The following RAB3GAP1 variants were observed in gnomAD, a reference collection of about 807,000 sequenced individuals.
RAB3GAP1 encodes the protein rab3 GTPase-activating protein catalytic subunit.
Under a neutral mutation model 130.7 loss-of-function variants are expected in RAB3GAP1, and 86 were observed. That is an observed-to-expected ratio of 0.66 (90% CI 0.55 to 0.79). The LOEUF (loss-of-function observed/expected upper bound fraction) is 0.79, where lower values mean the gene tolerates loss of function less well. Ranked by LOEUF, RAB3GAP1 falls within the 30% of genes least tolerant of loss-of-function variation. The pLI, the probability that RAB3GAP1 is intolerant of heterozygous loss-of-function variation, is 0.00. For missense variants in RAB3GAP1, 1,029 were observed against 1,169.4 expected (o/e 0.88, Z 1.75); for synonymous variants, 367 against 401.7 (o/e 0.91, Z 1.03).
chr2:135,124,180 TAGG>T lies in RAB3GAP1; in HGVS notation c.770_772del (p.Gly257del), dbSNP rs768599901. ...TTTTGTTTAGACATAGATGCCCTTG[TAGG>T]AGGAGAAGTTGGAGGCTTGGAGTTT... On this transcript the variant is annotated inframe_deletion, in exon 9 of 24. Coordinates refer to ENST00000264158, the MANE Select transcript of RAB3GAP1 (RefSeq NM_012233.3). The T allele has an allele frequency of 6.8e-6, 11 of 1,613,910 alleles. No homozygotes were observed. The highest frequency in any genetic ancestry group is 9.3e-6 in the Non-Finnish European group (11 of 1,179,904).
chr2:135,106,725 C>T (rs1335590046), intron 5 of RAB3GAP1, among the ~76,000 whole-genome samples: 1 of 142,024 alleles, frequency 7.0e-6, no homozygotes, highest in Admixed American at 7.4e-5. Context: ...TCCCCCTCTC[C>T]GAGAAACACC....
Position 135,147,172 on chromosome 2 carries a change from C to T in RAB3GAP1, c.1924-3197C>T, listed in dbSNP as rs763381608. ...ACGAGCCTGGCCACCATGACGAAAC[C>T]CTGTCTGTACTAAAAATACAAAAAT... On this transcript the variant is annotated intron_variant, in intron 17 of 23. Transcript: ENST00000264158. Among the ~76,000 whole-genome samples the T allele has an allele frequency of 1.3e-5, 2 of 151,828 alleles. 1 individual carries two copies. The highest frequency in any genetic ancestry group is 4.2e-4 in the South Asian group (2 of 4,812).
intron 3 of RAB3GAP1, among the ~76,000 whole-genome samples, chr2:135,084,812 G>T (rs1558768152): frequency 6.6e-6 from 1 of 152,104 alleles, no homozygotes. Context: ...TCACAATCTA[G>T]GGGAGAAATA....
chr2:135,115,213 C>T lies in RAB3GAP1; in HGVS notation c.483-3C>T. On this transcript the variant is annotated splice_region_variant and splice_polypyrimidine_tract_variant and intron_variant, in intron 6 of 23. Transcript: ENST00000264158. ...TCCATTCCTATTTAATCATGTCTTGCAGTCAGGTGCCACTCTTTGTGCAAA... is the reference window on the plus strand; with the variant it reads ...TCCATTCCTATTTAATCATGTCTTGTAGTCAGGTGCCACTCTTTGTGCAAA... The T allele has an allele frequency of 6.2e-7, 1 of 1,604,844 alleles. No individual in the cohort carries two copies. Among genetic ancestry groups the T allele is most frequent in the South Asian group, 1.1e-5 (1 of 90,842 alleles).
downstream of RAB3GAP1, among the ~76,000 whole-genome samples, chr2:135,170,937 C>G (rs1692832511): frequency 6.6e-6 from 1 of 152,014 alleles, no homozygotes; most frequent in African/African-American, 2.4e-5. Flanking sequence ...CTGGTCTCGG[C>G]CATGTCTTTC....
chr2:135,124,386 G>A (rs1218469119), intron 9 of RAB3GAP1, 140 bp downstream of exon 9: 55 of 944,738 alleles, frequency 5.8e-5, no homozygotes, highest in Middle Eastern at 2.6e-4. Context: ...CGTACACCTG[G>A]GCTGGGCACA....
chr2:135,108,492 G>A (rs1690695977), intron 5 of RAB3GAP1, among the ~76,000 whole-genome samples: 1 of 148,160 alleles, frequency 6.7e-6, no homozygotes, highest in Non-Finnish European at 1.5e-5. Flanking sequence ...CTTGGGTGAG[G>A]TGTCTGGTTG....
At chr2:135,176,216 G>A (rs1227883181) in intron 24 of RAB3GAP1, 1 of 152,076 alleles carries the variant, frequency 6.6e-6, no homozygotes, top group Non-Finnish European at 1.5e-5. Flanking sequence ...TAAAAGTATG[G>A]TACTACCCTA....
chr2:135,163,846 A>T (rs1364059425), intron 22 of RAB3GAP1, among the ~76,000 whole-genome samples: 2 of 152,248 alleles, frequency 1.3e-5, no homozygotes, highest in African/African-American at 4.8e-5. Context: ...TTGTATGGCA[A>T]GGCATTTGCT....
chr2:135,150,852 T>C (rs1309335512), intron 18 of RAB3GAP1, among the ~76,000 whole-genome samples: 3 of 152,166 alleles, frequency 2.0e-5, no homozygotes, highest in East Asian at 1.9e-4. Context: ...CAATGAACTT[T>C]TGAGTGCCTA....
chr2:135,126,036 T>G, intron 9 of RAB3GAP1, 145 bp from the exon 10 acceptor site: 1 of 648,750 alleles, frequency 1.5e-6, no homozygotes, highest in Non-Finnish European at 2.7e-6. Context: ...TGCTACCATT[T>G]GCTAAATAAG....
Position 135,058,013 on chromosome 2 carries a change from T to G in RAB3GAP1, c.77T>G (p.Phe26Cys). ...DFTTASEWER[F>C]ISKVEEVLND... ...GAAGCTTTCTCCCTACTTCCTAGGT[T>G]TATTTCCAAAGTTGAAGAAGTCTTG... The change falls in exon 3 of 24, where the codon TTT (phenylalanine) becomes TGT (cysteine). Residue 26 changes from phenylalanine to cysteine, a missense_variant and splice_region_variant. By Grantham distance (205) the Phe-to-Cys change is radical (BLOSUM62 -2). Transcript: ENST00000264158. 6.2e-7 allele frequency: 1 copy of G among 1,609,244 alleles called. No homozygotes were observed. Among genetic ancestry groups the G allele is most frequent in the Middle Eastern group, 1.7e-4 (1 of 6,054 alleles).
chr2:135,122,744 C>G (rs1691240575), intron 8 of RAB3GAP1, among the ~76,000 whole-genome samples: 1 of 152,016 alleles, frequency 6.6e-6, no homozygotes, highest in African/African-American at 2.4e-5. Flanking sequence ...TTTTTTGAGA[C>G]AGAGTCTTGC....
At chr2:135,081,632 A>G (rs530055930) in intron 3 of RAB3GAP1, among the ~76,000 whole-genome samples, 72 of 151,942 alleles carry the variant, frequency 4.7e-4, no homozygotes, top group African/African-American at 1.7e-3. Flanking sequence ...TGTTTGTTTT[A>G]GGAAAGCTGC....
intron 3 of RAB3GAP1, among the ~76,000 whole-genome samples, chr2:135,059,408 G>A (rs1214280860): frequency 1.3e-5 from 2 of 152,132 alleles, no homozygotes; most frequent in Non-Finnish European, 2.9e-5. Flanking sequence ...TGTGCCTGAT[G>A]TGAAGAAATT....
intron 17 of RAB3GAP1, among the ~76,000 whole-genome samples, chr2:135,146,518 G>A (rs1691999519): frequency 6.6e-6 from 1 of 151,994 alleles, no homozygotes; most frequent in Admixed American, 6.6e-5. Flanking sequence ...GACTCCAAAT[G>A]AATATTTGTT....
chr2:135,143,593 T>C lies in RAB3GAP1; in HGVS notation c.1924-6776T>C, dbSNP rs532854122. On this transcript the variant is annotated intron_variant, in intron 17 of 23. Transcript: ENST00000264158. ...TTTTTTTTGAGACGGAGTCTTGCTC[T>C]GTCCCCCAGGCTGGAGTGCAGTGGT... is the stretch of plus-strand genomic sequence containing the variant. 8.4e-4 allele frequency among the ~76,000 whole-genome samples: 127 copies of C among 150,308 alleles called. 1 individual carries two copies. The highest frequency in any genetic ancestry group is 2.8e-3 in the African/African-American group (114 of 40,482).
intron 3 of RAB3GAP1, among the ~76,000 whole-genome samples, chr2:135,069,341 C>G (rs577150985): frequency 1.3e-5 from 2 of 152,232 alleles, no homozygotes; most frequent in East Asian, 3.9e-4. Context: ...TCTGGATGGT[C>G]TTGTACCTTT....
chr2:135,075,639 C>CT (rs11462014), intron 3 of RAB3GAP1, among the ~76,000 whole-genome samples: 7,673 of 120,242 alleles, frequency 0.064, 364 homozygotes, highest in African/African-American at 0.16. Context: ...GCATGTTTGC[C>CT]TTTTTTTTTT....
Sources: gnomAD v4.1 joint callset for allele counts (sites outside exome capture counted in the v4.1 genomes callset) on GRCh38, gnomAD v4.1.1 for gene constraint, MANE v1.5 for transcripts, NCBI Gene and HGNC (gene_info 2026-07-23, HGNC 2026-07-21) for gene names.